Variants in PARD3 observed in about 807,000 individuals in gnomAD.
The protein encoded by PARD3 is partitioning defective 3 homolog.
PARD3 carries 75 observed loss-of-function variants against 155.4 expected under a neutral mutation model. That is an observed-to-expected ratio of 0.48 (90% CI 0.40 to 0.58). The LOEUF (loss-of-function observed/expected upper bound fraction) is 0.58, where lower values mean the gene tolerates loss of function less well. Ranked by LOEUF, PARD3 falls within the 20% of genes least tolerant of loss-of-function variation. The pLI, the probability that PARD3 is intolerant of heterozygous loss-of-function variation, is 0.00. For missense variants in PARD3, 1,642 were observed against 1,721.7 expected, an observed-to-expected ratio of 0.95 and a Z score of 0.82; for synonymous variants, 576 against 610.5, an observed-to-expected ratio of 0.94 and a Z score of 0.83.
intron 1 of PARD3, among the ~76,000 whole-genome samples, chr10:34,805,999 A>C (rs1329214181): frequency 6.6e-6 from 1 of 151,534 alleles, no homozygotes; most frequent in East Asian, 2.0e-4. Context: ...AAAAAGGAAG[A>C]AGGAAGGAAA....
chr10:34,680,500 A>C (rs949233676), intron 2 of PARD3, among the ~76,000 whole-genome samples: 1 of 150,812 alleles, frequency 6.6e-6, no homozygotes, highest in Non-Finnish European at 1.5e-5. Context: ...TGGAGGTTGC[A>C]GTGAACCAAT....
At chr10:34,277,826 T>G (rs1955960804) in intron 21 of PARD3, among the ~76,000 whole-genome samples, 1 of 152,148 alleles carries the variant, frequency 6.6e-6, no homozygotes, top group Admixed American at 6.5e-5. Context: ...TCCAGGCAGT[T>G]AAAAGACTGC....
chr10:34,236,232 T>C (rs957474851), intron 22 of PARD3, among the ~76,000 whole-genome samples: 3 of 152,318 alleles, frequency 2.0e-5, no homozygotes, highest in African/African-American at 2.4e-5. Context: ...GCCTACTGTC[T>C]GTCCAGTGAT....
rs146023890 is a variant in PARD3 at position 34,367,935 on chromosome 10, T to C, written c.1707+4563A>G. Among the ~76,000 whole-genome samples the C allele has an allele frequency of 8.4e-3, 1,271 of 152,180 alleles. 17 individuals carry two copies. The highest frequency in any genetic ancestry group is 0.028 in the African/African-American group (1,170 of 41,508). On this transcript the variant is annotated intron_variant, in intron 12 of 24. Transcript: ENST00000374788. ...CTGTAGGGAAAGCCCACTAACTTTC[T>C]AGAATGCATTTTGAATTCTTGAAAG...
At chr10:34,755,714 A>C (rs114148690) in intron 1 of PARD3, among the ~76,000 whole-genome samples, 1 of 152,190 alleles carries the variant, frequency 6.6e-6, no homozygotes, top group Non-Finnish European at 1.5e-5. Flanking sequence ...TAAACTGGGA[A>C]TTGAGATGAG....
At chr10:34,464,810 A>G (rs968567309) in intron 4 of PARD3, among the ~76,000 whole-genome samples, 1 of 152,218 alleles carries the variant, frequency 6.6e-6, no homozygotes, top group Non-Finnish European at 1.5e-5. Flanking sequence ...TAATAAGAAT[A>G]GCCAACATCT....
chr10:34,416,621 G>C (rs1415791808), intron 5 of PARD3, among the ~76,000 whole-genome samples: 1 of 152,134 alleles, frequency 6.6e-6, no homozygotes, highest in Non-Finnish European at 1.5e-5. Context: ...GAATGCGCTG[G>C]ATTACTAAGA....
At chr10:34,539,837 C>T (rs80254764) in intron 2 of PARD3, among the ~76,000 whole-genome samples, 25 of 152,296 alleles carry the variant, frequency 1.6e-4, no homozygotes, top group Admixed American at 3.3e-4. Context: ...TAGGCCAGGG[C>T]GGGAGTGTGT....
At chr10:34,137,883 AC>A (rs1219210976) in intron 22 of PARD3, among the ~76,000 whole-genome samples, 1 of 152,216 alleles carries the variant, frequency 6.6e-6, no homozygotes. Flanking sequence ...TTGCTATGTG[AC>A]AGCACTGCAG....
At chr10:34,478,253 G>A (rs946786299) in intron 3 of PARD3, among the ~76,000 whole-genome samples, 1 of 152,166 alleles carries the variant, frequency 6.6e-6, no homozygotes, top group Non-Finnish European at 1.5e-5. Context: ...TAAGTGCAAT[G>A]AGCACCACAA....
At chr10:34,418,138 T>C (rs1845847440) in intron 5 of PARD3, among the ~76,000 whole-genome samples, 1 of 152,136 alleles carries the variant, frequency 6.6e-6, no homozygotes, top group Non-Finnish European at 1.5e-5. Flanking sequence ...TTCAAGACAG[T>C]AAAGTGCCAT....
intron 22 of PARD3, among the ~76,000 whole-genome samples, chr10:34,206,068 A>T (rs1951465272): frequency 6.6e-6 from 1 of 152,178 alleles, no homozygotes; most frequent in Non-Finnish European, 1.5e-5. Flanking sequence ...ATCATTTAAA[A>T]AACCCTTTCA....
chr10:34,154,462 C>G (rs1156605434), intron 22 of PARD3, among the ~76,000 whole-genome samples: 1 of 152,242 alleles, frequency 6.6e-6, no homozygotes, highest in South Asian at 2.1e-4. Context: ...ATGAAGCCTG[C>G]TTGGATCCTG....
At chr10:34,380,104 G>A (rs1187003849) in intron 9 of PARD3, among the ~76,000 whole-genome samples, 4 of 152,020 alleles carry the variant, frequency 2.6e-5, no homozygotes, top group Admixed American at 2.0e-4. Context: ...TAGCTACAAG[G>A]AAAGCCTGTT....
At chr10:34,428,274 C>T (rs1476031251) in intron 5 of PARD3, among the ~76,000 whole-genome samples, 3 of 152,152 alleles carry the variant, frequency 2.0e-5, no homozygotes, top group African/African-American at 4.8e-5. Flanking sequence ...TAAGCCTAGT[C>T]GTAAGAGACA....
chr10:34,320,512 C>T (rs1428939241), intron 19 of PARD3, among the ~76,000 whole-genome samples: 1 of 152,076 alleles, frequency 6.6e-6, no homozygotes, highest in Non-Finnish European at 1.5e-5. Flanking sequence ...AGTTTTCTGC[C>T]TAATAGTTTT....
intron 14 of PARD3, among the ~76,000 whole-genome samples, chr10:34,355,953 A>C (rs1442375554): frequency 3.3e-5 from 4 of 122,098 alleles, no homozygotes; most frequent in Admixed American, 1.6e-4. Context: ...AAAACAAAAC[A>C]AAACCAAACA....
At chr10:34,782,759 C>T (rs569613080) in intron 1 of PARD3, among the ~76,000 whole-genome samples, 17 of 150,934 alleles carry the variant, frequency 1.1e-4, no homozygotes, top group African/African-American at 4.1e-4. Context: ...CTGAGTCTTG[C>T]TCTGTCACCC....
At chr10:34,242,533 A>G (rs1283065244) in intron 22 of PARD3, among the ~76,000 whole-genome samples, 2 of 152,212 alleles carry the variant, frequency 1.3e-5, no homozygotes, top group Admixed American at 6.5e-5. Context: ...CCAGCTCTAA[A>G]ATGGCAGAAA....
Sources: gnomAD v4.1 joint callset for allele counts (sites outside exome capture counted in the v4.1 genomes callset) on GRCh38, gnomAD v4.1.1 for gene constraint, MANE v1.5 for transcripts, NCBI Gene and HGNC (gene_info 2026-07-23, HGNC 2026-07-21) for gene names.